KCND2: variants seen among roughly 807,000 people sequenced by gnomAD.
KCND2 encodes potassium voltage-gated channel subfamily D member 2.
A neutral mutation model predicts 54.4 loss-of-function variants in KCND2; 16 were observed. That is an observed-to-expected ratio of 0.29 (90% CI 0.20 to 0.45). The LOEUF (loss-of-function observed/expected upper bound fraction) is 0.45, where lower values mean the gene tolerates loss of function less well. KCND2 is among the 20% of genes least tolerant of loss of function. The pLI, the probability that KCND2 is intolerant of heterozygous loss-of-function variation, is 1.00. For missense variants in KCND2, 486 were observed against 824.2 expected (o/e 0.59, Z 5.02); for synonymous variants, 317 against 310.7 (o/e 1.02, Z -0.21).
chr7:120,490,823 C>T (rs1802768239), intron 1 of KCND2, among the ~76,000 whole-genome samples: 1 of 152,144 alleles, frequency 6.6e-6, no homozygotes, highest in South Asian at 2.1e-4. Context: ...TATTTCTCTC[C>T]TTTGTCAGCA....
At chr7:120,744,654 T>G (rs1434296663) in intron 4 of KCND2, among the ~76,000 whole-genome samples, 1 of 152,196 alleles carries the variant, frequency 6.6e-6, no homozygotes, top group Non-Finnish European at 1.5e-5. Flanking sequence ...TTCATTTATT[T>G]CAAAATGCTT....
chr7:120,512,968 C>A (rs922557589), intron 1 of KCND2, among the ~76,000 whole-genome samples: 1 of 151,432 alleles, frequency 6.6e-6, no homozygotes, highest in Non-Finnish European at 1.5e-5. Context: ...CTAATTTTTT[C>A]TATTTTTAGT....
intron 1 of KCND2, among the ~76,000 whole-genome samples, chr7:120,687,168 C>T (rs947892319): frequency 1.3e-5 from 2 of 152,106 alleles, no homozygotes; most frequent in Admixed American, 1.3e-4. Context: ...ACAAATACTA[C>T]ATGATTCCAC....
Position 120,582,954 on chromosome 7 carries a change from ATGTGTG to A in KCND2, c.1116-149929_1116-149924del, listed in dbSNP as rs10631536. On this transcript the variant is annotated intron_variant, in intron 1 of 5. Transcript: ENST00000331113. Reference sequence around the variant, plus strand: ...GGTTTGCATTGCTCTGTGTGTGTGTATGTGTGTGTGTGTGTGTGTGTGTGTATGTTT... The same window carrying A: ...GGTTTGCATTGCTCTGTGTGTGTGTATGTGTGTGTGTGTGTGTGTATGTTT... Among the ~76,000 whole-genome samples the A allele has an allele frequency of 4.1e-4, 61 of 147,510 alleles. 1 individual carries two copies. Among genetic ancestry groups the A allele is most frequent in the African/African-American group, 1.5e-3 (60 of 40,458 alleles).
rs576731586 is a variant in KCND2 at position 120,429,582 on chromosome 7, G to T, written c.1115+153835G>T. The stretch of plus-strand genomic sequence containing the variant: ...GAACACCTGTGTTATTGTCTCGGTT[G>T]TGAGTTGAACTCGTCAGTTTTTCCA... On this transcript the variant is annotated intron_variant, in intron 1 of 5. Coordinates refer to ENST00000331113, the MANE Select transcript of KCND2 (RefSeq NM_012281.3). Among the ~76,000 whole-genome samples the T allele has an allele frequency of 4.6e-5, 7 of 152,272 alleles. No homozygotes were observed. The South Asian group carries it at 1.5e-3, about 32-fold the overall frequency.
intron 1 of KCND2, among the ~76,000 whole-genome samples, chr7:120,729,912 GT>G: frequency 6.6e-6 from 1 of 152,126 alleles, no homozygotes; most frequent in African/African-American, 2.4e-5. Context: ...CTTCTAGACT[GT>G]GAATTTGCTG....
At chr7:120,480,120 A>G (rs964230076) in intron 1 of KCND2, among the ~76,000 whole-genome samples, 5 of 152,034 alleles carry the variant, frequency 3.3e-5, no homozygotes, top group Admixed American at 1.3e-4. Flanking sequence ...TGGTATAGAT[A>G]TAAAAAAGAT....
At chr7:120,437,605 C>T (rs939491120) in intron 1 of KCND2, among the ~76,000 whole-genome samples, 5 of 151,814 alleles carry the variant, frequency 3.3e-5, no homozygotes, top group African/African-American at 1.2e-4. Flanking sequence ...AATGATAAAC[C>T]AACCCCCTAG....
chr7:120,417,125 G>A (rs1801535460), intron 1 of KCND2, among the ~76,000 whole-genome samples: 1 of 152,210 alleles, frequency 6.6e-6, no homozygotes, highest in Non-Finnish European at 1.5e-5. Context: ...GGGATTACAG[G>A]TGTGAGCTAC....
At chr7:120,298,818 C>T (rs1799546384) in intron 1 of KCND2, among the ~76,000 whole-genome samples, 1 of 152,144 alleles carries the variant, frequency 6.6e-6, no homozygotes, top group South Asian at 2.1e-4. Flanking sequence ...TACGCTTTAC[C>T]TGTTATTGCG....
At chr7:120,508,354 A>G (rs1021523163) in intron 1 of KCND2, among the ~76,000 whole-genome samples, 2 of 151,940 alleles carry the variant, frequency 1.3e-5, no homozygotes, top group Non-Finnish European at 1.5e-5. Context: ...AAACGGGTAT[A>G]TAACACTTTC....
chr7:120,520,683 T>G (rs953591164), intron 1 of KCND2, among the ~76,000 whole-genome samples: 4 of 152,096 alleles, frequency 2.6e-5, no homozygotes, highest in Non-Finnish European at 5.9e-5. Flanking sequence ...GAGGCAAAAG[T>G]TGACAATAAG....
intron 1 of KCND2, among the ~76,000 whole-genome samples, chr7:120,488,806 A>G (rs1802730562): frequency 6.6e-6 from 1 of 152,096 alleles, no homozygotes; most frequent in Non-Finnish European, 1.5e-5. Context: ...TGAAAGTAAT[A>G]TACATGGAAA....
chr7:120,538,444 C>T (rs948559509), intron 1 of KCND2, among the ~76,000 whole-genome samples: 1 of 152,176 alleles, frequency 6.6e-6, no homozygotes, highest in Admixed American at 6.5e-5. Context: ...GCTACCTGCA[C>T]CTATACCACA....
At chr7:120,663,686 T>C (rs1324978819) in intron 1 of KCND2, among the ~76,000 whole-genome samples, 2 of 152,202 alleles carry the variant, frequency 1.3e-5, no homozygotes, top group Admixed American at 6.5e-5. Flanking sequence ...ATACAGATGA[T>C]TACATGATTA....
At chr7:120,699,298 A>G (rs1276310658) in intron 1 of KCND2, among the ~76,000 whole-genome samples, 2 of 151,376 alleles carry the variant, frequency 1.3e-5, no homozygotes, top group African/African-American at 2.4e-5. Flanking sequence ...AAAAAAAGTT[A>G]TTAAATCAAT....
chr7:120,467,091 G>C (rs578109843), intron 1 of KCND2, among the ~76,000 whole-genome samples: 1 of 152,148 alleles, frequency 6.6e-6, no homozygotes, highest in East Asian at 1.9e-4. Context: ...AGTCACTTTT[G>C]CCATTTAAGG....
chr7:120,689,902 A>C (rs898154594), intron 1 of KCND2, among the ~76,000 whole-genome samples: 1 of 152,158 alleles, frequency 6.6e-6, no homozygotes, highest in Admixed American at 6.6e-5. Context: ...CTCTATCAGT[A>C]TTGGGGAGTT....
At chr7:120,664,354 T>G (rs184824147) in intron 1 of KCND2, among the ~76,000 whole-genome samples, 67 of 152,218 alleles carry the variant, frequency 4.4e-4, no homozygotes, top group Non-Finnish European at 8.2e-4. Flanking sequence ...TACATATGCC[T>G]TAAATCTTCA....
Sources: allele counts gnomAD v4.1 joint callset (sites outside exome capture counted in the v4.1 genomes callset), GRCh38; gene constraint gnomAD v4.1.1; transcripts MANE v1.5; gene names NCBI Gene and HGNC (gene_info 2026-07-23, HGNC 2026-07-21).